Variants in SCN11A observed in about 807,000 individuals in gnomAD.
SCN11A encodes the protein sodium voltage-gated channel alpha subunit 11.
In SCN11A, 122 loss-of-function variants were observed where a neutral mutation model predicts 162.2. That is an observed-to-expected ratio of 0.75 (90% CI 0.65 to 0.87). The LOEUF is 0.87. SCN11A is among the 40% of genes least tolerant of loss of function. The pLI is 0.00. For synonymous variants in SCN11A, 758 were observed against 751.5 expected (o/e 1.01, Z -0.14); for missense variants, 2,015 against 2,181.6 (o/e 0.92, Z 1.52).
intron 2 of SCN11A, among the ~76,000 whole-genome samples, chr3:39,031,190 T>TC (rs2125611358): frequency 6.6e-6 from 1 of 152,328 alleles, no homozygotes; most frequent in East Asian, 1.9e-4. Context: ...CCATGACTTC[T>TC]TACAACTTCA....
chr3:39,004,707 A>G (rs1385545908), intron 2 of SCN11A, among the ~76,000 whole-genome samples: 2 of 151,832 alleles, frequency 1.3e-5, no homozygotes, highest in African/African-American at 4.8e-5. Flanking sequence ...TTCTTTGTGC[A>G]GTGTTTTGTA....
Position 38,909,210 on chromosome 3 carries a change from C to T in SCN11A, c.1102-16G>A. On this transcript the variant is annotated splice_polypyrimidine_tract_variant and intron_variant, in intron 12 of 29. Transcript: ENST00000302328. Reference sequence around the variant, plus strand: ...TACGCAGGGTCTGCAAAGGACAGAGCATGTTCTTGAATATCAAACCTTCTT... The same window carrying T: ...TACGCAGGGTCTGCAAAGGACAGAGTATGTTCTTGAATATCAAACCTTCTT... 6.2e-7 allele frequency: 1 copy of T among 1,612,638 alleles called. No individual in the cohort carries two copies.
At chr3:38,898,521 A>G (rs938866971) in intron 17 of SCN11A, among the ~76,000 whole-genome samples, 3 of 152,216 alleles carry the variant, frequency 2.0e-5, no homozygotes, top group Non-Finnish European at 4.4e-5. Context: ...TCTAAGCCTC[A>G]TAAGAATGAT....
intron 16 of SCN11A, among the ~76,000 whole-genome samples, chr3:38,902,621 C>T (rs2065720555): frequency 6.6e-6 from 1 of 151,952 alleles, no homozygotes; most frequent in Admixed American, 6.6e-5. Flanking sequence ...TGGTTCACAC[C>T]ATTCTCCAGC....
intron 27 of SCN11A, among the ~76,000 whole-genome samples, chr3:38,866,181 C>T (rs1016047450): frequency 6.6e-6 from 1 of 151,120 alleles, no homozygotes; most frequent in Non-Finnish European, 1.5e-5. Flanking sequence ...CCATAATATG[C>T]AATGTAATTC....
At chr3:38,972,155 G>A (rs1416677564) in intron 2 of SCN11A, among the ~76,000 whole-genome samples, 2 of 152,170 alleles carry the variant, frequency 1.3e-5, no homozygotes, top group African/African-American at 4.8e-5. Context: ...GTTAATTGGA[G>A]GGAACAAAAT....
At chr3:38,879,888 C>CA (rs1191924141) in intron 23 of SCN11A, 62 bp downstream of exon 23, 1 of 1,370,112 alleles carries the variant, frequency 7.3e-7, no homozygotes, top group East Asian at 2.3e-5. Flanking sequence ...AAGCAGCCTC[C>CA]ATATGATCCC....
rs540395401 is a variant in SCN11A, at chr3:39,025,825, T to C, written c.-280+6555A>G. On this transcript the variant is annotated intron_variant, in intron 2 of 29. Transcript: ENST00000302328. Reference sequence around the variant, plus strand: ...TTAACCTCCTGGGAGTGCAGCCTAGTAGGTCTCAGCCTTATTTTACTCCTC... The same window carrying C: ...TTAACCTCCTGGGAGTGCAGCCTAGCAGGTCTCAGCCTTATTTTACTCCTC... Among the ~76,000 whole-genome samples, 6 of 152,314 alleles carry C rather than the reference T, an allele frequency of 3.9e-5. No homozygotes were observed. In the South Asian group the frequency reaches 1.2e-3, roughly 32 times the overall value.
At chr3:39,049,734 T>C (rs138294415) in intron 1 of SCN11A, among the ~76,000 whole-genome samples, 2 of 152,362 alleles carry the variant, frequency 1.3e-5, no homozygotes, top group African/African-American at 4.8e-5. Context: ...ATTTCATCCA[T>C]ATGATTCTTA....
intron 11 of SCN11A, among the ~76,000 whole-genome samples, chr3:38,911,112 T>A (rs113569026): frequency 0.013 from 1,941 of 152,310 alleles, 41 homozygotes; most frequent in African/African-American, 0.043. Flanking sequence ...TCAATTGTAG[T>A]TCGTGTTGAT....
At chr3:38,961,084 G>T (rs2066736551) in intron 2 of SCN11A, among the ~76,000 whole-genome samples, 1 of 152,140 alleles carries the variant, frequency 6.6e-6, no homozygotes, top group Non-Finnish European at 1.5e-5. Context: ...CTAGCTGACA[G>T]TCAGCTGAGA....
At chr3:39,013,183 C>A (rs1320327652) in intron 2 of SCN11A, among the ~76,000 whole-genome samples, 1 of 152,176 alleles carries the variant, frequency 6.6e-6, no homozygotes, top group Non-Finnish European at 1.5e-5. Context: ...GAAAAAAAGT[C>A]ATCAATAATG....
chr3:38,950,258 C>A lies in SCN11A; in HGVS notation c.105G>T (p.Lys35Asn). The change falls in exon 5 of 30, where the codon AAG becomes AAT. Residue 35 changes from lysine to asparagine, a missense_variant. By Grantham distance (94) the Lys-to-Asn change is moderately conservative. Transcript: ENST00000302328. ...AAIEKRIAIQ[K>N]EKKKSKDQTG... ...TCTGGTCTTTAGACTTCTTTTTCTC[C>A]TTTTGGATGGCAATCCGCTTCTCAA... The A allele has an allele frequency of 6.2e-7, 1 of 1,614,024 alleles. No individual in the cohort carries two copies. Among genetic ancestry groups the A allele is most frequent in the Non-Finnish European group, 8.5e-7 (1 of 1,180,012 alleles).
intron 17 of SCN11A, among the ~76,000 whole-genome samples, chr3:38,897,852 A>G (rs1438688249): frequency 2.0e-5 from 3 of 152,242 alleles, no homozygotes; most frequent in Admixed American, 2.0e-4. Flanking sequence ...ACCAAGCGTC[A>G]GCGAACTCTG....
At chr3:38,854,770 G>A (rs1354871417) in intron 28 of SCN11A, among the ~76,000 whole-genome samples, 2 of 152,218 alleles carry the variant, frequency 1.3e-5, no homozygotes, top group Non-Finnish European at 2.9e-5. Flanking sequence ...CTTACCTAGA[G>A]CTGAAATGAC....
rs181656739 is a variant in SCN11A, at chr3:38,926,752, G to A, written c.617+51C>T. 5.1e-6 allele frequency: 8 copies of A among 1,581,148 alleles called. No homozygotes were observed. The East Asian group carries it at 1.8e-4, about 35-fold the overall frequency. ...ACACAGAGCTCTGATGGAAGCAAAG[G>A]GGCTTCTTTCCCACTCCAAGTCTCT... On this transcript the variant is annotated intron_variant, in intron 8 of 29. Coordinates refer to ENST00000302328, the MANE Select transcript of SCN11A (RefSeq NM_001349253.2).
At chr3:38,911,679 G>C (rs1252461858) in intron 11 of SCN11A, among the ~76,000 whole-genome samples, 1 of 151,994 alleles carries the variant, frequency 6.6e-6, no homozygotes, top group African/African-American at 2.4e-5. Flanking sequence ...CAAATTTTCT[G>C]TTCTCTTTTT....
At chr3:38,962,782 A>C (rs1328228580) in intron 2 of SCN11A, among the ~76,000 whole-genome samples, 1 of 152,126 alleles carries the variant, frequency 6.6e-6, no homozygotes, top group African/African-American at 2.4e-5. Context: ...CAGGGAGCGG[A>C]GGTTGCAGTG....
intron 2 of SCN11A, among the ~76,000 whole-genome samples, chr3:38,974,375 G>A (rs913486836): frequency 3.3e-5 from 5 of 152,214 alleles, no homozygotes; most frequent in Admixed American, 3.3e-4. Context: ...AGTAAGAAGG[G>A]TTGGGACATG....
Sources: allele counts gnomAD v4.1 joint callset (sites outside exome capture counted in the v4.1 genomes callset), GRCh38; gene constraint gnomAD v4.1.1; transcripts MANE v1.5; gene names NCBI Gene and HGNC (gene_info 2026-07-23, HGNC 2026-07-21).